The following EMCN variants were observed in gnomAD, a reference collection of about 807,000 sequenced individuals.
The protein encoded by EMCN is endomucin.
EMCN carries 37 observed loss-of-function variants against 38.4 expected under a neutral mutation model. That is an observed-to-expected ratio of 0.96 (90% CI 0.74 to 1.27). The LOEUF (loss-of-function observed/expected upper bound fraction) is 1.27, where lower values mean the gene tolerates loss of function less well. Ranked by LOEUF, EMCN falls within the 50% of genes most tolerant of loss-of-function variation. The pLI is 0.00. For synonymous variants in EMCN, 95 were observed against 100.8 expected, an observed-to-expected ratio of 0.94 and a Z score of 0.35; for missense variants, 318 against 302.8, an observed-to-expected ratio of 1.05 and a Z score of -0.37.
intron 1 of EMCN, among the ~76,000 whole-genome samples, chr4:100,508,002 AATAAAAC>A (rs1311191230): frequency 3.9e-5 from 6 of 152,214 alleles, no homozygotes; most frequent in Non-Finnish European, 8.8e-5. Context: ...TAGGGAATAG[AATAAAAC>A]ATCTTGCTGC....
At chr4:100,487,616 A>C (rs1204827669) in intron 1 of EMCN, among the ~76,000 whole-genome samples, 1 of 152,204 alleles carries the variant, frequency 6.6e-6, no homozygotes, top group Admixed American at 6.5e-5. Flanking sequence ...TCATGGGGAC[A>C]GTTTTCCCCA....
rs200243117 is a variant in EMCN at position 100,447,602 on chromosome 4, T to C, written c.377-31A>G. The C allele has an allele frequency of 3.8e-4, 535 of 1,421,316 alleles. 2 individuals carry two copies. In the African/African-American group the frequency reaches 6.3e-3, roughly 17 times the overall value. The allele number at this position is 1,421,316 out of a possible 1,614,324, so 88.0% of individuals were successfully genotyped here. Reference sequence around the variant, plus strand: ...GAAGGAAAAAAAGAAAAAAAATCAGTACAATTAAATGTTGAATATCAGATC... The same window carrying C: ...GAAGGAAAAAAAGAAAAAAAATCAGCACAATTAAATGTTGAATATCAGATC... On this transcript the variant is annotated intron_variant, in intron 4 of 11. Transcript: ENST00000296420.
At chr4:100,478,241 C>T (rs1430116464) in intron 2 of EMCN, among the ~76,000 whole-genome samples, 1 of 152,148 alleles carries the variant, frequency 6.6e-6, no homozygotes, top group Non-Finnish European at 1.5e-5. Context: ...CCTGCCTTTC[C>T]TGCTTTATCT....
At chr4:100,516,501 A>G (rs1402494631) in intron 1 of EMCN, among the ~76,000 whole-genome samples, 1 of 152,064 alleles carries the variant, frequency 6.6e-6, no homozygotes, top group Non-Finnish European at 1.5e-5. Flanking sequence ...CCCCAAGCAG[A>G]CCGAAGTTAC....
Position 100,451,973 on chromosome 4 carries a change from TAAA to T in EMCN, c.377-4405_377-4403del, listed in dbSNP as rs747447230. 7.9e-5 allele frequency among the ~76,000 whole-genome samples: 12 copies of T among 152,170 alleles called. No individual in the cohort carries two copies. The East Asian group carries it at 1.4e-3, about 17-fold the overall frequency. On this transcript the variant is annotated intron_variant, in intron 4 of 11. Coordinates refer to ENST00000296420, the MANE Select transcript of EMCN (RefSeq NM_016242.4). ...GGCACTGAGAAGTTAAGTAGTGAATTAAAAACCACACAGCACAAATAACTAGTT... is the reference window on the plus strand; with the variant it reads ...GGCACTGAGAAGTTAAGTAGTGAATTAACCACACAGCACAAATAACTAGTT...
At chr4:100,452,856 C>T (rs1159774484) in intron 4 of EMCN, among the ~76,000 whole-genome samples, 1 of 151,954 alleles carries the variant, frequency 6.6e-6, no homozygotes, top group Non-Finnish European at 1.5e-5. Flanking sequence ...CAGAACAGAG[C>T]CCTCAGAAAT....
At chr4:100,439,919 A>T (rs1250250693) in intron 5 of EMCN, among the ~76,000 whole-genome samples, 1 of 151,952 alleles carries the variant, frequency 6.6e-6, no homozygotes, top group Non-Finnish European at 1.5e-5. Flanking sequence ...CTTAATTATC[A>T]TATAATTGTG....
chr4:100,407,589 A>G (rs1726430053), intron 11 of EMCN, among the ~76,000 whole-genome samples: 1 of 152,182 alleles, frequency 6.6e-6, no homozygotes, highest in Non-Finnish European at 1.5e-5. Flanking sequence ...TGAAAGGTCC[A>G]GTGTTATCCA....
chr4:100,506,365 T>A (rs1228867944), intron 1 of EMCN, among the ~76,000 whole-genome samples: 2 of 152,146 alleles, frequency 1.3e-5, no homozygotes, highest in Non-Finnish European at 2.9e-5. Context: ...GTATGCCTAA[T>A]GCTTAGACAA....
chr4:100,427,984 G>A (rs1369387062), intron 5 of EMCN, among the ~76,000 whole-genome samples: 1 of 152,014 alleles, frequency 6.6e-6, no homozygotes, highest in Non-Finnish European at 1.5e-5. Context: ...ACTAAATCCA[G>A]ATTTTGGAGA....
intron 1 of EMCN, among the ~76,000 whole-genome samples, chr4:100,489,010 A>T (rs1729011093): frequency 6.6e-6 from 1 of 152,192 alleles, no homozygotes; most frequent in Non-Finnish European, 1.5e-5. Flanking sequence ...ACATTATTTG[A>T]TTCTAATAAC....
rs766820072 is a variant in EMCN, at chr4:100,410,372, T to TA, written c.752-18_752-17insT. 1 of 1,612,536 alleles carries TA rather than the reference T, an allele frequency of 6.2e-7. No individual in the cohort carries two copies. Among genetic ancestry groups the TA allele is most frequent in the African/African-American group, 1.3e-5 (1 of 75,006 alleles). On this transcript the variant is annotated splice_polypyrimidine_tract_variant and intron_variant, in intron 10 of 11. Coordinates refer to ENST00000296420, the MANE Select transcript of EMCN (RefSeq NM_016242.4). ...AGTGCTCACCTGAGAACAGAAGATA[T>TA]GTTTTGATCTGTAAGCTCAGAGACT...
intron 5 of EMCN, among the ~76,000 whole-genome samples, chr4:100,442,738 T>G (rs1442689564): frequency 2.0e-5 from 3 of 152,168 alleles, no homozygotes; most frequent in Admixed American, 2.0e-4. Flanking sequence ...TATCTGTCTT[T>G]TCATTGAATT....
At chr4:100,443,848 T>C (rs1706605303) in intron 5 of EMCN, among the ~76,000 whole-genome samples, 1 of 152,130 alleles carries the variant, frequency 6.6e-6, no homozygotes, top group Non-Finnish European at 1.5e-5. Flanking sequence ...CTGGCACAGC[T>C]TGGTAGAAAA....
intron 4 of EMCN, among the ~76,000 whole-genome samples, chr4:100,456,272 A>C (rs1728015463): frequency 6.6e-6 from 1 of 152,118 alleles, no homozygotes; most frequent in Non-Finnish European, 1.5e-5. Context: ...GAAAAACCCA[A>C]AATATTAGTT....
At chr4:100,440,756 A>G (rs561604708) in intron 5 of EMCN, among the ~76,000 whole-genome samples, 1 of 152,060 alleles carries the variant, frequency 6.6e-6, no homozygotes, top group African/African-American at 2.4e-5. Flanking sequence ...TTTTAATATG[A>G]CGACTTCTTT....
chr4:100,475,684 T>G (rs1728624503), intron 2 of EMCN, among the ~76,000 whole-genome samples: 1 of 132,298 alleles, frequency 7.6e-6, no homozygotes, highest in Middle Eastern at 3.4e-3. Context: ...TTTTTTTTTT[T>G]TTTTTTTTTT....
At chr4:100,405,650 A>G (rs140694343) in intron 11 of EMCN, among the ~76,000 whole-genome samples, 1 of 152,082 alleles carries the variant, frequency 6.6e-6, no homozygotes, top group Non-Finnish European at 1.5e-5. Flanking sequence ...GAACTTTTGC[A>G]TCTAGGTTCA....
chr4:100,415,600 C>T (rs1272092853), intron 10 of EMCN, among the ~76,000 whole-genome samples: 1 of 152,132 alleles, frequency 6.6e-6, no homozygotes, highest in East Asian at 1.9e-4. Context: ...AATTTAAAAA[C>T]TTGTTAACAA....
Sources: allele counts gnomAD v4.1 joint callset (sites outside exome capture counted in the v4.1 genomes callset), GRCh38; gene constraint gnomAD v4.1.1; transcripts MANE v1.5; gene names NCBI Gene and HGNC (gene_info 2026-07-23, HGNC 2026-07-21).